Variants in C14orf39 observed in about 807,000 individuals in gnomAD.
C14orf39 encodes chromosome 14 open reading frame 39.
C14orf39 carries 66 observed loss-of-function variants against 85.6 expected under a neutral mutation model. The ratio of observed to expected loss-of-function variants is 0.77; its 90% confidence interval spans 0.63 to 0.95. The LOEUF (loss-of-function observed/expected upper bound fraction) is 0.95. C14orf39 is among the 40% of genes least tolerant of loss of function. C14orf39 has a pLI of 0.00. For synonymous variants in C14orf39, 242 were observed against 214.0 expected, an observed-to-expected ratio of 1.13 and a Z score of -1.14; for missense variants, 735 against 663.9, an observed-to-expected ratio of 1.11 and a Z score of -1.18.
At chr14:60,444,859 A>G (rs1890686163) in intron 16 of C14orf39, among the ~76,000 whole-genome samples, 1 of 152,246 alleles carries the variant, frequency 6.6e-6, no homozygotes, top group Non-Finnish European at 1.5e-5. Flanking sequence ...TCAGACTAAC[A>G]GCAGATCTCT....
chr14:60,492,869 A>G (rs1055514728), intron 2 of C14orf39, among the ~76,000 whole-genome samples: 4 of 152,202 alleles, frequency 2.6e-5, no homozygotes, highest in African/African-American at 9.7e-5. Flanking sequence ...AGCCTCCAAG[A>G]AATACTTAGG....
At chr14:60,492,951 T>C (rs1027725100) in intron 2 of C14orf39, among the ~76,000 whole-genome samples, 1 of 152,146 alleles carries the variant, frequency 6.6e-6, no homozygotes, top group African/African-American at 2.4e-5. Flanking sequence ...CGTGAACCTG[T>C]GATAGAAAAC....
chr14:60,506,538 G>T (rs1286282314), intron 1 of C14orf39, among the ~76,000 whole-genome samples: 1 of 152,122 alleles, frequency 6.6e-6, no homozygotes, highest in Non-Finnish European at 1.5e-5. Flanking sequence ...CTTCCTGTTC[G>T]TCCCTTCCCC....
At chr14:60,506,829 G>T (rs911629405) in intron 1 of C14orf39, among the ~76,000 whole-genome samples, 1 of 152,166 alleles carries the variant, frequency 6.6e-6, no homozygotes, top group Non-Finnish European at 1.5e-5. Flanking sequence ...AAGCTAAAGC[G>T]CCCTCATCTA....
chr14:60,455,233 A>G lies in C14orf39; in HGVS notation c.1359-88T>C. The G allele has an allele frequency of 7.8e-6, 7 of 901,174 alleles. No individual in the cohort carries two copies. The South Asian group carries it at 1.4e-4, about 18-fold the overall frequency. The allele number at this position is 901,174 out of a possible 1,614,324, so 55.8% of individuals were successfully genotyped here. ...CATCATAAGCAACAGCATAGAGGTG[A>G]GAATTAGCATAGTAGGGAAATGTAG... On this transcript the variant is annotated intron_variant, in intron 15 of 17. Coordinates refer to ENST00000321731, the MANE Select transcript of C14orf39 (RefSeq NM_174978.3).
At chr14:60,493,156 A>G (rs1159186019) in intron 2 of C14orf39, among the ~76,000 whole-genome samples, 1 of 152,212 alleles carries the variant, frequency 6.6e-6, no homozygotes, top group African/African-American at 2.4e-5. Flanking sequence ...CTGTACTTAA[A>G]TAAGCAGCAA....
In C14orf39 at chr14:60,471,532, T is replaced by C; in HGVS notation, c.511+20A>G. On this transcript the variant is annotated intron_variant, in intron 6 of 17. Coordinates refer to ENST00000321731, the MANE Select transcript of C14orf39 (RefSeq NM_174978.3). ...TACAAAGATATCATAATTAAAACAA[T>C]ATAACAAAAATATTAATACCTCGAA... is the stretch of plus-strand genomic sequence containing the variant. 2 of 1,579,692 alleles carry C rather than the reference T, an allele frequency of 1.3e-6. No individual in the cohort carries two copies. Among genetic ancestry groups the C allele is most frequent in the Non-Finnish European group, 1.7e-6 (2 of 1,164,376 alleles).
intron 13 of C14orf39, among the ~76,000 whole-genome samples, chr14:60,460,775 C>CAT (rs919166973): frequency 2.0e-5 from 3 of 151,450 alleles, no homozygotes; most frequent in African/African-American, 7.3e-5. Context: ...ATGATAAATT[C>CAT]ATATATATAT....
intron 5 of C14orf39, among the ~76,000 whole-genome samples, chr14:60,475,767 T>C (rs1892343025): frequency 6.6e-6 from 1 of 152,164 alleles, no homozygotes; most frequent in South Asian, 2.1e-4. Flanking sequence ...ATCCAGTTCT[T>C]TATAGAAAAT....
chr14:60,461,672 C>G (rs910907233), intron 11 of C14orf39, 79 bp from the exon 12 acceptor site: 4 of 715,844 alleles, frequency 5.6e-6, no homozygotes, highest in Non-Finnish European at 6.8e-6. Context: ...CAACTCAGAA[C>G]TCTCATTTCA....
chr14:60,506,570 A>T (rs1228086293), intron 1 of C14orf39, among the ~76,000 whole-genome samples: 1 of 152,184 alleles, frequency 6.6e-6, no homozygotes, highest in African/African-American at 2.4e-5. Context: ...GTGAACAAAT[A>T]AGTGATTCCA....
chr14:60,474,928 G>C (rs1892296488), intron 5 of C14orf39, among the ~76,000 whole-genome samples: 1 of 152,140 alleles, frequency 6.6e-6, no homozygotes, highest in South Asian at 2.1e-4. Flanking sequence ...AATGAGTTAG[G>C]GAGGATTCCC....
At chr14:60,455,444 C>T (rs1987464) in intron 15 of C14orf39, among the ~76,000 whole-genome samples, 1 of 151,992 alleles carries the variant, frequency 6.6e-6, no homozygotes, top group Admixed American at 6.6e-5. Context: ...AAATGATTTG[C>T]TTAAAAGAAT....
chr14:60,451,190 C>T (rs1891016980), intron 16 of C14orf39, among the ~76,000 whole-genome samples: 1 of 152,070 alleles, frequency 6.6e-6, no homozygotes, highest in Non-Finnish European at 1.5e-5. Flanking sequence ...CAGGAAACAA[C>T]AGGTGCTGGA....
chr14:60,514,156 A>T (rs1005869116), intron 1 of C14orf39, among the ~76,000 whole-genome samples: 1 of 152,120 alleles, frequency 6.6e-6, no homozygotes, highest in African/African-American at 2.4e-5. Context: ...AATCTTTCCA[A>T]TCTTCCCAAG....
chr14:60,455,118 T>G lies in C14orf39; in HGVS notation c.1386A>C (p.Glu462Asp), dbSNP rs139054454. 7,464 of 1,564,472 alleles carry G rather than the reference T, an allele frequency of 4.8e-3. 20 individuals are homozygous for G. The highest frequency in any genetic ancestry group is 6.0e-3 in the Non-Finnish European group (6,944 of 1,162,086). Reference protein sequence around the residue: ...EINRNRNAVPEVQTEKESPGL... With the variant: ...EINRNRNAVPDVQTEKESPGL... Reference sequence around the variant, plus strand: ...CAGGGGATTCCTTTTCTGTTTGAACTTCAGGTACTGCATTTCTATTTCTGT... The same window carrying G: ...CAGGGGATTCCTTTTCTGTTTGAACGTCAGGTACTGCATTTCTATTTCTGT... The change falls in exon 16 of 18, where the codon GAA (glutamate) becomes GAC (aspartate). Residue 462 changes from glutamate (E) to aspartate (D), a missense_variant. By Grantham distance (45) the Glu-to-Asp change is conservative. Coordinates refer to ENST00000321731, the MANE Select transcript of C14orf39 (RefSeq NM_174978.3).
At chr14:60,438,436 T>G (rs1482048756) in intron 17 of C14orf39, among the ~76,000 whole-genome samples, 1 of 152,144 alleles carries the variant, frequency 6.6e-6, no homozygotes, top group African/African-American at 2.4e-5. Context: ...TCCCTTTGAA[T>G]AAATGAATTT....
intron 4 of C14orf39, among the ~76,000 whole-genome samples, chr14:60,481,888 T>C (rs1277469652): frequency 6.6e-6 from 1 of 152,190 alleles, no homozygotes; most frequent in Non-Finnish European, 1.5e-5. Context: ...CTTATCCTTT[T>C]GTCTTTTATA....
intron 5 of C14orf39, among the ~76,000 whole-genome samples, chr14:60,473,200 C>T (rs1463845193): frequency 1.3e-5 from 2 of 152,144 alleles, no homozygotes; most frequent in Non-Finnish European, 1.5e-5. Flanking sequence ...GCATAAATGT[C>T]TTCTTTTGAG....
Sources: gnomAD v4.1 joint callset for allele counts (sites outside exome capture counted in the v4.1 genomes callset) on GRCh38, gnomAD v4.1.1 for gene constraint, MANE v1.5 for transcripts, NCBI Gene and HGNC (gene_info 2026-07-23, HGNC 2026-07-21) for gene names.